MRPS27: variants seen among roughly 807,000 people sequenced by gnomAD.
The protein encoded by MRPS27 is mitochondrial ribosomal protein S27.
In MRPS27, 43 loss-of-function variants were observed where a neutral mutation model predicts 48.9. That is an observed-to-expected ratio of 0.88 (90% CI 0.69 to 1.13). MRPS27 has a LOEUF of 1.13. Among genes scored for constraint, MRPS27 ranks in the 50% most tolerant of loss-of-function variants. MRPS27 has a pLI of 0.00. For synonymous variants in MRPS27, 188 were observed against 171.9 expected (o/e 1.09, Z -0.73); for missense variants, 467 against 476.3 (o/e 0.98, Z 0.18).
intron 4 of MRPS27, among the ~76,000 whole-genome samples, chr5:72,255,024 C>CTCTTCTTTTTTTTTTTTTTT (rs1561341148): frequency 1.1e-5 from 1 of 91,870 alleles, no homozygotes. Flanking sequence ...TAACACATTT[C>CTCTTCTTTTTTTTTTTTTTT]TTTTCTTTTT....
chr5:72,235,377 C>T (rs1215661120), intron 5 of MRPS27, among the ~76,000 whole-genome samples: 1 of 152,018 alleles, frequency 6.6e-6, no homozygotes, highest in Non-Finnish European at 1.5e-5. Flanking sequence ...CAAGCAAACC[C>T]AATGAGGGAT....
At chr5:72,243,910 GC>G (rs1748433238) in intron 4 of MRPS27, among the ~76,000 whole-genome samples, 2 of 152,220 alleles carry the variant, frequency 1.3e-5, no homozygotes, top group Non-Finnish European at 2.9e-5. Flanking sequence ...ATCAAGATAA[GC>G]CCCCTTTGTA....
At chr5:72,222,638 A>AT (rs1200202824) in intron 10 of MRPS27, 3 of 152,128 alleles carry the variant, frequency 2.0e-5, no homozygotes, top group Admixed American at 6.5e-5. Context: ...GGCTAAGGAG[A>AT]TTTTTTTCTT....
At chr5:72,293,345 G>A (rs1002889266) in intron 4 of MRPS27, among the ~76,000 whole-genome samples, 7 of 151,190 alleles carry the variant, frequency 4.6e-5, no homozygotes, top group African/African-American at 1.7e-4. Flanking sequence ...GGTAATGGAA[G>A]GGAGGAGAAA....
chr5:72,292,212 T>TTTG lies in MRPS27; in HGVS notation c.281+3318_281+3319insCAA, dbSNP rs1554060626. Among the ~76,000 whole-genome samples the TTTG allele has an allele frequency of 7.9e-4, 119 of 150,084 alleles. 1 individual carries two copies. The highest frequency in any genetic ancestry group is 2.8e-3 in the African/African-American group (116 of 41,096). The stretch of plus-strand genomic sequence containing the variant: ...TATATGGGTATTACCAGTTTTTTTT[T>TTTG]TTTTTTTTTTTTGGCCAATGAATAT... On this transcript the variant is annotated intron_variant, in intron 4 of 10. Transcript: ENST00000261413.
intron 4 of MRPS27, among the ~76,000 whole-genome samples, chr5:72,266,065 A>T (rs1256676719): frequency 6.6e-6 from 1 of 152,196 alleles, no homozygotes; most frequent in East Asian, 1.9e-4. Flanking sequence ...GAGGAGGGGA[A>T]GATATAAGAA....
chr5:72,311,618 C>T (rs759300522), intron 2 of MRPS27, among the ~76,000 whole-genome samples: 2 of 152,168 alleles, frequency 1.3e-5, no homozygotes, highest in African/African-American at 2.4e-5. Flanking sequence ...TCAGCCCCCT[C>T]GCCATGTGAT....
intron 1 of MRPS27, among the ~76,000 whole-genome samples, chr5:72,318,702 G>A (rs1488017489): frequency 6.6e-6 from 1 of 151,632 alleles, no homozygotes; most frequent in Admixed American, 6.6e-5. Context: ...GCTGAGGCAG[G>A]AGAATCACTT....
Position 72,315,034 on chromosome 5 carries a change from C to T in MRPS27, c.74-876G>A, listed in dbSNP as rs146164665. Among the ~76,000 whole-genome samples the T allele has an allele frequency of 1.2e-3, 184 of 152,292 alleles. 2 individuals are homozygous for T. Among genetic ancestry groups the T allele is most frequent in the Non-Finnish European group, 1.6e-3 (106 of 68,022 alleles). On this transcript the variant is annotated intron_variant, in intron 1 of 10. Transcript: ENST00000261413. The stretch of plus-strand genomic sequence containing the variant: ...CTATTCCTAGCTCCTGGCACAATGC[C>T]TAGCCTTTGGCAGTGTTTAACAAAC...
intron 7 of MRPS27, chr5:72,228,606 A>G (rs1483265153): frequency 2.7e-6 from 1 of 370,870 alleles, no homozygotes; most frequent in Non-Finnish European, 4.8e-6. Flanking sequence ...AATTATGAGT[A>G]ATTTTGGTTT....
intron 4 of MRPS27, among the ~76,000 whole-genome samples, chr5:72,286,366 G>T (rs1156738771): frequency 1.3e-5 from 2 of 152,184 alleles, no homozygotes; most frequent in African/African-American, 4.8e-5. Flanking sequence ...CAGTCATCAA[G>T]ACAGAGTAGT....
intron 7 of MRPS27, among the ~76,000 whole-genome samples, chr5:72,230,786 T>C (rs1339067994): frequency 6.6e-6 from 1 of 152,180 alleles, no homozygotes. Flanking sequence ...TTCCCAAAGT[T>C]CCCTTTTGGA....
chr5:72,223,833 T>C lies in MRPS27; in HGVS notation c.855A>G (p.Ala285=). ...LCREALDVLG[A]VLKALTSADG... is the part of the protein sequence containing the mutation. The stretch of plus-strand genomic sequence containing the variant: ...CAGCTGAAGTCAGAGCCTTCAGCAC[T>C]GCACCCAGCACATCGAGCTGTGGAG... The change falls in exon 10 of 11, where the codon GCA becomes GCG. Residue 285 remains alanine, a synonymous_variant. Coordinates refer to ENST00000261413, the MANE Select transcript of MRPS27 (RefSeq NM_015084.3). The C allele has an allele frequency of 1.2e-6, 2 of 1,613,888 alleles. No individual in the cohort carries two copies. The highest frequency in any genetic ancestry group is 8.5e-7 in the Non-Finnish European group (1 of 1,179,870).
intron 4 of MRPS27, among the ~76,000 whole-genome samples, chr5:72,250,991 A>T (rs1486499963): frequency 6.6e-6 from 1 of 152,218 alleles, no homozygotes; most frequent in African/African-American, 2.4e-5. Context: ...CTCTAGATTG[A>T]TATGAAGATT....
At chr5:72,232,654 T>C in intron 6 of MRPS27, 96 bp from the exon 7 acceptor site, 2 of 850,474 alleles carry the variant, frequency 2.4e-6, no homozygotes, top group Non-Finnish European at 3.6e-6. Flanking sequence ...ACGTGGGGCA[T>C]GGTTTAAAAA....
At chr5:72,303,459 T>C (rs903856451) in intron 2 of MRPS27, among the ~76,000 whole-genome samples, 2 of 152,112 alleles carry the variant, frequency 1.3e-5, no homozygotes, top group African/African-American at 2.4e-5. Context: ...TAAGAATGTA[T>C]GATGAGACAA....
At chr5:72,225,940 C>T in intron 9 of MRPS27, 117 bp downstream of exon 9, 5 of 1,170,558 alleles carry the variant, frequency 4.3e-6, no homozygotes, top group Non-Finnish European at 5.8e-6. Flanking sequence ...TGATAAATAC[C>T]TATTCTATAG....
chr5:72,232,882 T>C (rs1223517122), intron 6 of MRPS27, among the ~76,000 whole-genome samples: 1 of 152,176 alleles, frequency 6.6e-6, no homozygotes, highest in Non-Finnish European at 1.5e-5. Context: ...TTGCTTCACC[T>C]ACTTCAAGAG....
chr5:72,253,876 T>TTTA (rs1748727205), intron 4 of MRPS27, among the ~76,000 whole-genome samples: 3 of 152,214 alleles, frequency 2.0e-5, no homozygotes, highest in African/African-American at 2.4e-5. Context: ...TAAATCAAGC[T>TTTA]TGGGAAATTC....
Sources: allele counts gnomAD v4.1 joint callset (sites outside exome capture counted in the v4.1 genomes callset), GRCh38; gene constraint gnomAD v4.1.1; transcripts MANE v1.5; gene names NCBI Gene and HGNC (gene_info 2026-07-23, HGNC 2026-07-21).